The following SUPT20H variants were observed in gnomAD, a reference collection of about 807,000 sequenced individuals.
SUPT20H encodes transcription factor SPT20 homolog.
In SUPT20H, 82 loss-of-function variants were observed where a neutral mutation model predicts 122.8. The ratio of observed to expected loss-of-function variants is 0.67; its 90% CI spans 0.56 to 0.80. SUPT20H has a LOEUF of 0.80. Among genes scored for constraint, SUPT20H ranks in the 30% least tolerant of loss-of-function variants. The pLI, the probability that SUPT20H is intolerant of heterozygous loss-of-function variation, is 0.00. For missense variants in SUPT20H, 831 were observed against 921.6 expected (o/e 0.90, Z 1.27); for synonymous variants, 291 against 313.0 (o/e 0.93, Z 0.74).
At chr13:37,034,867 C>T (rs551299573) in intron 9 of SUPT20H, among the ~76,000 whole-genome samples, 1 of 152,308 alleles carries the variant, frequency 6.6e-6, no homozygotes, top group South Asian at 2.1e-4. Flanking sequence ...GAAAATCCTA[C>T]AATCCTTAAG....
intron 2 of SUPT20H, among the ~76,000 whole-genome samples, chr13:37,048,838 G>T (rs1457146576): frequency 6.6e-6 from 1 of 152,128 alleles, no homozygotes; most frequent in African/African-American, 2.4e-5. Context: ...GTCAGTGTTT[G>T]TGAGGCTAAT....
At position 37,022,205 on chromosome 13, in the gene SUPT20H, T is replaced by C. The variant is rs772027206; in HGVS notation, c.1592-125A>G. The stretch of plus-strand genomic sequence containing the variant: ...TGGGCTGAGGGGTGAAGCCTGAATC[T>C]TGGGGAGTAGGGGTGGCTGAAGGGG... On this transcript the variant is annotated intron_variant, in intron 19 of 25. Transcript: ENST00000350612. This position sits in a 1 kb window ranked among gnomAD's most constrained non-coding sequence, Gnocchi z 4.5. 8.8e-6 allele frequency: 14 copies of C among 1,598,418 alleles called. No individual in the cohort carries two copies. The highest frequency in any genetic ancestry group is 4.0e-5 in the African/African-American group (3 of 74,696).
rs554697575 is a variant in SUPT20H at position 37,012,226 on chromosome 13, A to T, written c.2064T>A (p.Thr688=). The change falls in exon 24 of 26, where the codon ACT becomes ACA. Residue 688 remains threonine (T), a synonymous_variant. Transcript: ENST00000350612. ...SAQQAAVINL[T]GVGSFMQSQA... is the part of the protein sequence containing the mutation. Reference sequence around the variant, plus strand: ...GTGACTGCATAAAACTTCCTACTCCAGTAAGGTTAATAACAGCAGCTTGCT... The same window carrying T: ...GTGACTGCATAAAACTTCCTACTCCTGTAAGGTTAATAACAGCAGCTTGCT... 6.2e-6 allele frequency: 10 copies of T among 1,613,408 alleles called. No homozygotes were observed. In the African/African-American group the frequency reaches 1.3e-4, roughly 22 times the overall value.
chr13:37,047,230 C>T (rs1199982), intron 5 of SUPT20H: 159,177 of 172,218 alleles, frequency 0.92, 73,668 homozygotes, highest in East Asian at 1. Flanking sequence ...GTGCTATAAA[C>T]TCATAAATCA....
intron 1 of SUPT20H, among the ~76,000 whole-genome samples, chr13:37,055,370 T>C (rs545833162): frequency 6.6e-6 from 1 of 152,178 alleles, no homozygotes; most frequent in South Asian, 2.1e-4. Flanking sequence ...CAAACTATAC[T>C]ACAAGGCTAC....
At chr13:37,017,943 C>A (rs2060803020) in intron 22 of SUPT20H, among the ~76,000 whole-genome samples, 1 of 152,006 alleles carries the variant, frequency 6.6e-6, no homozygotes, top group Non-Finnish European at 1.5e-5. Flanking sequence ...TTTAAAGAAG[C>A]ACTCAGAAAA....
At chr13:37,053,414 A>G (rs1047612772) in intron 1 of SUPT20H, among the ~76,000 whole-genome samples, 4 of 152,116 alleles carry the variant, frequency 2.6e-5, no homozygotes, top group Non-Finnish European at 5.9e-5. Context: ...TCAGCAAACT[A>G]ACACAGGAAC....
At chr13:37,025,751 TTC>T in intron 16 of SUPT20H, 1 of 270,636 alleles carries the variant, frequency 3.7e-6, no homozygotes, top group South Asian at 5.0e-5. Context: ...CTTTCTTAGA[TTC>T]TGATTAAAGT....
rs2061626814 is a variant in SUPT20H, at chr13:37,022,964, TAAAAAACAAAAAC to T, written c.1592-897_1592-885del. Reference sequence around the variant, plus strand: ...AAGTATGCACAGTTTATCAATTTTTTAAAAAACAAAAACAAAAAACAAAAACCAAAAAAGTAAA... The same window carrying T: ...AAGTATGCACAGTTTATCAATTTTTTAAAAAACAAAAACCAAAAAAGTAAA... On this transcript the variant is annotated intron_variant, in intron 19 of 25. Transcript: ENST00000350612. The surrounding 1 kb of genome is among the most constrained non-coding windows in gnomAD (Gnocchi z 4.5). 4.0e-6 allele frequency: 5 copies of T among 1,246,196 alleles called. No individual in the cohort carries two copies. The highest frequency in any genetic ancestry group is 1.3e-5 in the South Asian group (1 of 74,366). The allele number at this position is 1,246,196 out of a possible 1,614,324, so 77.2% of individuals were successfully genotyped here.
At chr13:37,021,407 C>A (rs776237020) in intron 21 of SUPT20H, 41 bp downstream of exon 21, 24 of 1,538,942 alleles carry the variant, frequency 1.6e-5, no homozygotes, top group Admixed American at 9.9e-5. Context: ...TTAGCATATA[C>A]TTTAATTTTT....
At chr13:37,023,444 A>T (rs2061688503) in intron 19 of SUPT20H, 1 of 152,598 alleles carries the variant, frequency 6.6e-6, no homozygotes, top group Non-Finnish European at 1.5e-5. Flanking sequence ...TCTTGATGTT[A>T]AAAAAAAGTA....
intron 9 of SUPT20H, 116 bp downstream of exon 9, chr13:37,040,289 T>C: frequency 1.1e-6 from 1 of 909,510 alleles, no homozygotes; most frequent in Non-Finnish European, 1.6e-6. Context: ...GCTTTTCACA[T>C]AAAGCATCAA....
At position 37,040,473 on chromosome 13, in the gene SUPT20H, A is replaced by G. The variant is rs762008547; in HGVS notation, c.514-15T>C. 5 of 1,573,482 alleles carry G rather than the reference A, an allele frequency of 3.2e-6. No individual in the cohort carries two copies. In the East Asian group the frequency reaches 9.0e-5, roughly 28 times the overall value. On this transcript the variant is annotated splice_polypyrimidine_tract_variant and intron_variant, in intron 8 of 25. Transcript: ENST00000350612. Reference sequence around the variant, plus strand: ...CAAATTAAAGTCTAGAAGAAATAAAAATTTAAAAAACTTATTAATCTATGC... The same window carrying G: ...CAAATTAAAGTCTAGAAGAAATAAAGATTTAAAAAACTTATTAATCTATGC...
At chr13:37,047,683 A>C in intron 4 of SUPT20H, 82 bp from the exon 5 acceptor site, 1 of 1,272,570 alleles carries the variant, frequency 7.9e-7, no homozygotes, top group South Asian at 1.8e-5. Flanking sequence ...TTTTTTCCTA[A>C]ATTTTCACAT....
At chr13:37,018,873 T>A (rs1173445879) in intron 22 of SUPT20H, among the ~76,000 whole-genome samples, 1 of 152,104 alleles carries the variant, frequency 6.6e-6, no homozygotes, top group Non-Finnish European at 1.5e-5. Context: ...GGTCTCGAAC[T>A]CCTGAGCTCA....
chr13:37,025,011 G>A (rs552558241), intron 17 of SUPT20H: 13 of 307,702 alleles, frequency 4.2e-5, no homozygotes, highest in South Asian at 1.6e-4. Flanking sequence ...GCGCTATCTC[G>A]GCTCACTGAA....
rs1341992838 is a variant in SUPT20H, at chr13:37,055,860, T to C, written c.-94+3699A>G. On this transcript the variant is annotated intron_variant, in intron 1 of 25. Coordinates refer to ENST00000350612, the MANE Select transcript of SUPT20H (RefSeq NM_001014286.3). ...ACAGAATGGGAGAAAATGTTTGCAATCTACTCATCTGACAAAGGGCTAATA... is the reference window on the plus strand; with the variant it reads ...ACAGAATGGGAGAAAATGTTTGCAACCTACTCATCTGACAAAGGGCTAATA... Among the ~76,000 whole-genome samples the C allele has an allele frequency of 8.9e-4, 136 of 152,048 alleles. 1 individual carries two copies. Among genetic ancestry groups the C allele is most frequent in the Admixed American group, 3.7e-3 (57 of 15,232 alleles).
At chr13:37,050,366 A>AAC (rs1466864381) in intron 2 of SUPT20H, among the ~76,000 whole-genome samples, 10 of 151,010 alleles carry the variant, frequency 6.6e-5, no homozygotes, top group African/African-American at 2.4e-4. Context: ...AAAAAAAAAA[A>AAC]AAAACTTATA....
In SUPT20H at chr13:37,021,561, C is replaced by T; in HGVS notation, c.1703G>A (p.Gly568Asp). 1 of 1,613,468 alleles carries T rather than the reference C, an allele frequency of 6.2e-7. No individual in the cohort carries two copies. The highest frequency in any genetic ancestry group is 1.7e-5 in the Admixed American group (1 of 59,966). ...AGGAGTTATGGCACCAGTGTTACAGCCCAGCATGGGGTTTGAACCACTCAT... is the reference window on the plus strand; with the variant it reads ...AGGAGTTATGGCACCAGTGTTACAGTCCAGCATGGGGTTTGAACCACTCAT... ...ALMSGSNPML[G>D]CNTGAITPAG... The change falls in exon 21 of 26, where the codon GGC becomes GAC. Residue 568 changes from glycine (G) to aspartate (D), a missense_variant. Physicochemically the swap from Gly to Asp is moderately conservative, Grantham distance 94. Coordinates refer to ENST00000350612, the MANE Select transcript of SUPT20H (RefSeq NM_001014286.3).
Sources: allele counts gnomAD v4.1 joint callset (sites outside exome capture counted in the v4.1 genomes callset), GRCh38; gene constraint gnomAD v4.1.1; non-coding constraint Gnocchi (gnomAD v3.1); transcripts MANE v1.5; gene names NCBI Gene and HGNC (gene_info 2026-07-23, HGNC 2026-07-21).